Variants in COBLL1 observed in about 807,000 individuals in gnomAD.
COBLL1 encodes cordon-bleu protein-like 1.
Under a neutral mutation model 94.8 loss-of-function variants are expected in COBLL1, and 50 were observed. That is an observed-to-expected ratio of 0.53 (90% CI 0.42 to 0.67). The LOEUF (loss-of-function observed/expected upper bound fraction) is 0.67. Among genes scored for constraint, COBLL1 ranks in the 30% least tolerant of loss-of-function variants. The pLI is 0.00. For synonymous variants in COBLL1, 448 were observed against 473.8 expected, an observed-to-expected ratio of 0.95 and a Z score of 0.71; for missense variants, 1,362 against 1,348.7, an observed-to-expected ratio of 1.01 and a Z score of -0.15.
At chr2:164,688,122 T>G (rs1030140743) in intron 13 of COBLL1, among the ~76,000 whole-genome samples, 1 of 152,214 alleles carries the variant, frequency 6.6e-6, no homozygotes, top group Non-Finnish European at 1.5e-5. Flanking sequence ...TGACTGGATT[T>G]GCAGAGGATT....
In COBLL1 at chr2:164,681,830, C is replaced by G. The variant is rs1184538220; in HGVS notation, c.*4116G>C. The G allele has an allele frequency of 1.3e-5, 2 of 152,130 alleles. No individual in the cohort carries two copies. Among genetic ancestry groups the G allele is most frequent in the African/African-American group, 4.8e-5 (2 of 41,426 alleles). 9.4% of individuals were successfully genotyped at this position (152,130 alleles called of 1,614,324 possible). A position where few individuals can be genotyped will look rare whatever the true frequency, so the allele number is the denominator to read the frequency against. ...ATGCCAACAGATCTCTACAAATTAC[C>G]AGAATGTTCCACAACTCTTCTCAAA... is the stretch of plus-strand genomic sequence containing the variant. On this transcript the variant is annotated 3_prime_UTR_variant, in exon 14 of 14. Coordinates refer to ENST00000652658, the MANE Select transcript of COBLL1 (RefSeq NM_001365672.2).
At chr2:164,705,956 T>A (rs1015588870) in intron 7 of COBLL1, among the ~76,000 whole-genome samples, 4 of 152,078 alleles carry the variant, frequency 2.6e-5, no homozygotes, top group Non-Finnish European at 4.4e-5. Context: ...ATCGCTTGAA[T>A]CCCAGAGGCG....
chr2:164,825,533 T>C (rs1685382984), intron 2 of COBLL1, among the ~76,000 whole-genome samples: 1 of 152,196 alleles, frequency 6.6e-6, no homozygotes, highest in South Asian at 2.1e-4. Context: ...TAGAACAAAA[T>C]CACTTTCTTC....
chr2:164,796,436 C>T (rs1264089642), intron 2 of COBLL1, among the ~76,000 whole-genome samples: 1 of 152,046 alleles, frequency 6.6e-6, no homozygotes, highest in Non-Finnish European at 1.5e-5. Flanking sequence ...ACCAAAACAG[C>T]ATTTCATCTT....
Position 164,694,496 on chromosome 2 carries a change from G to A in COBLL1, c.2896C>T (p.Gln966Ter). Residue 966 changes from glutamine to a stop codon, truncating the protein, a stop_gained, in exon 12 of 14, where the codon CAA becomes TAA. Transcript: ENST00000652658. LOFTEE classifies it high-confidence loss of function. The stretch of plus-strand genomic sequence containing the variant: ...AAAGTTTTCAAAGTCTTCAGATTTT[G>A]TGTGGATACCTGACTAGCAGGAATT... ...VTIPASQVST[Q>*]NLKTLKTFGA... 1 of 1,614,002 alleles carries A rather than the reference G, an allele frequency of 6.2e-7. No homozygotes were observed. The highest frequency in any genetic ancestry group is 8.5e-7 in the Non-Finnish European group (1 of 1,179,942).
At chr2:164,768,477 CT>C (rs1688045855) in intron 2 of COBLL1, among the ~76,000 whole-genome samples, 1 of 151,716 alleles carries the variant, frequency 6.6e-6, no homozygotes, top group Non-Finnish European at 1.5e-5. Flanking sequence ...CAAGACAATT[CT>C]TTTTCTTCCA....
At chr2:164,794,403 G>A (rs540640840) in intron 2 of COBLL1, among the ~76,000 whole-genome samples, 3 of 152,194 alleles carry the variant, frequency 2.0e-5, no homozygotes, top group African/African-American at 7.2e-5. Context: ...GGAAGGTCCT[G>A]GTAAAAACTG....
Position 164,681,986 on chromosome 2 carries a change from G to T in COBLL1, c.*3960C>A, listed in dbSNP as rs1253652782. The T allele has an allele frequency of 6.6e-6, 1 of 152,154 alleles. No individual in the cohort carries two copies. The highest frequency in any genetic ancestry group is 1.5e-5 in the Non-Finnish European group (1 of 68,004). 9.4% of individuals were successfully genotyped at this position (152,154 alleles called of 1,614,324 possible). ...AAAGTGGTAACATTTAAGAGAAAAG[G>T]AAAACCAACTGAAGATTCAGAACAA... On this transcript the variant is annotated 3_prime_UTR_variant, in exon 14 of 14. Coordinates refer to ENST00000652658, the MANE Select transcript of COBLL1 (RefSeq NM_001365672.2).
intron 2 of COBLL1, among the ~76,000 whole-genome samples, chr2:164,819,970 C>A (rs1032346553): frequency 6.7e-6 from 1 of 149,398 alleles, no homozygotes; most frequent in Non-Finnish European, 1.5e-5. Flanking sequence ...GAATTACAGG[C>A]ATCTGCCACC....
Position 164,684,993 on chromosome 2 carries a change from A to T in COBLL1, c.*953T>A, listed in dbSNP as rs1245087220. ...GCTTAACAGTTTTAGCTTCAATGTAAATATATATTATTACTTAGAATATTA... is the reference window on the plus strand; with the variant it reads ...GCTTAACAGTTTTAGCTTCAATGTATATATATATTATTACTTAGAATATTA... On this transcript the variant is annotated 3_prime_UTR_variant, in exon 14 of 14. Coordinates refer to ENST00000652658, the MANE Select transcript of COBLL1 (RefSeq NM_001365672.2). The T allele has an allele frequency of 6.6e-6, 1 of 152,146 alleles. No homozygotes were observed. Among genetic ancestry groups the T allele is most frequent in the Non-Finnish European group, 1.5e-5 (1 of 68,016 alleles). The allele number at this position is 152,146 out of a possible 1,614,324, so 9.4% of individuals were successfully genotyped here.
intron 11 of COBLL1, among the ~76,000 whole-genome samples, chr2:164,698,881 A>G (rs1684090679): frequency 6.6e-6 from 1 of 152,066 alleles, no homozygotes; most frequent in Non-Finnish European, 1.5e-5. Context: ...TAAGCAAATG[A>G]CATCATGAGA....
rs1224251701 is a variant in COBLL1, at chr2:164,841,499, G to C, written c.-51+211C>G. 3 of 1,108,070 alleles carry C rather than the reference G, an allele frequency of 2.7e-6. No homozygotes were observed. The Admixed American group carries it at 1.5e-4, about 54-fold the overall frequency. The allele number at this position is 1,108,070 out of a possible 1,614,324, so 68.6% of individuals were successfully genotyped here. A position where few individuals can be genotyped will look rare whatever the true frequency, so the allele number is the denominator to read the frequency against. ...AGCCCCCGCCCCGTGGGGTTTACTGGGTAGCCATTTGGCGCCTCTCGGAGG... is the reference window on the plus strand; with the variant it reads ...AGCCCCCGCCCCGTGGGGTTTACTGCGTAGCCATTTGGCGCCTCTCGGAGG... On this transcript the variant is annotated intron_variant, in intron 1 of 13. Transcript: ENST00000652658. The surrounding 1 kb of genome is among the most constrained non-coding windows in gnomAD (Gnocchi z 5.5).
chr2:164,765,455 C>A (rs1687885002), intron 2 of COBLL1, among the ~76,000 whole-genome samples: 1 of 152,052 alleles, frequency 6.6e-6, no homozygotes, highest in Non-Finnish European at 1.5e-5. Flanking sequence ...GATATAACCA[C>A]CAAATGTTAG....
intron 7 of COBLL1, among the ~76,000 whole-genome samples, chr2:164,712,596 C>T (rs1314102958): frequency 1.3e-5 from 2 of 152,044 alleles, no homozygotes; most frequent in African/African-American, 4.8e-5. Flanking sequence ...CAAGTTTTAA[C>T]TCTTAACTCT....
intron 2 of COBLL1, among the ~76,000 whole-genome samples, chr2:164,808,252 T>C (rs2105334563): frequency 6.6e-6 from 1 of 152,356 alleles, no homozygotes; most frequent in Admixed American, 6.5e-5. Context: ...AAGCACATTT[T>C]ACCTCAGTTT....
intron 9 of COBLL1, among the ~76,000 whole-genome samples, chr2:164,701,957 A>C (rs1684296637): frequency 6.6e-6 from 1 of 152,056 alleles, no homozygotes; most frequent in East Asian, 1.9e-4. Context: ...ACATTCAGAA[A>C]ATTTAATTTA....
chr2:164,727,094 C>A, intron 5 of COBLL1: 1 of 1,429,780 alleles, frequency 7.0e-7, no homozygotes, highest in South Asian at 1.3e-5. Flanking sequence ...TCTACTGATT[C>A]ATACATCTTA....
chr2:164,800,974 G>A (rs1683746468), intron 2 of COBLL1, among the ~76,000 whole-genome samples: 1 of 152,096 alleles, frequency 6.6e-6, no homozygotes, highest in Non-Finnish European at 1.5e-5. Flanking sequence ...GATAGTGGTG[G>A]GAATTTTGTA....
chr2:164,747,199 A>T (rs79605955), intron 2 of COBLL1, among the ~76,000 whole-genome samples: 3,791 of 152,064 alleles, frequency 0.025, 89 homozygotes, highest in African/African-American at 0.064. Flanking sequence ...TTTTTTTTTT[A>T]AAATTAACTG....
Sources: gnomAD v4.1 joint callset for allele counts (sites outside exome capture counted in the v4.1 genomes callset) on GRCh38, gnomAD v4.1.1 for gene constraint, Gnocchi (gnomAD v3.1) non-coding constraint, MANE v1.5 for transcripts, NCBI Gene and HGNC (gene_info 2026-07-23, HGNC 2026-07-21) for gene names.